SLC25A48: variants seen among roughly 807,000 people sequenced by gnomAD.
SLC25A48 encodes solute carrier family 25 member 48.
Under a neutral mutation model 32.2 loss-of-function variants are expected in SLC25A48, and 29 were observed. That is an observed-to-expected ratio of 0.90 (90% confidence interval 0.67 to 1.23). The LOEUF is 1.23. Among genes scored for constraint, SLC25A48 ranks in the 50% most tolerant of loss-of-function variants. The probability of loss-of-function intolerance (pLI) is 0.00; values close to 1 mark genes in which losing one functional copy is unlikely to be tolerated. For synonymous variants in SLC25A48, 164 were observed against 172.3 expected, an observed-to-expected ratio of 0.95 and a Z score of 0.38; for missense variants, 399 against 422.7, an observed-to-expected ratio of 0.94 and a Z score of 0.49.
intron 3 of SLC25A48, among the ~76,000 whole-genome samples, chr5:135,754,123 A>AGCACAGGGTGTAT (rs1272853559): frequency 6.6e-6 from 1 of 151,870 alleles, no homozygotes; most frequent in African/African-American, 2.4e-5. Context: ...TATGCAGGAC[A>AGCACAGGGTGTAT]GCACAGGGTG....
intron 3 of SLC25A48, among the ~76,000 whole-genome samples, chr5:135,803,414 T>G (rs1482590374): frequency 6.6e-6 from 1 of 151,790 alleles, no homozygotes; most frequent in Non-Finnish European, 1.5e-5. Context: ...TTACTCCTAA[T>G]ATCACTGTGG....
intron 3 of SLC25A48, among the ~76,000 whole-genome samples, chr5:135,760,825 C>T (rs1756044794): frequency 6.6e-6 from 1 of 152,194 alleles, no homozygotes; most frequent in Admixed American, 6.5e-5. Flanking sequence ...AATATGATCT[C>T]TACTTCCATG....
intron 1 of SLC25A48, among the ~76,000 whole-genome samples, chr5:135,602,614 CTTTT>C: frequency 7.2e-6 from 1 of 139,758 alleles, no homozygotes; most frequent in Admixed American, 7.2e-5. Context: ...TTTTTTCTTT[CTTTT>C]TTTTTTTTAT....
At position 135,880,014 on chromosome 5, in the gene SLC25A48, T is replaced by C. The variant is rs1762346430; in HGVS notation, c.860T>C (p.Met287Thr). ...GTGAACGCGGTGCGGGGCTTCCCCATGAGTGCGGCCATGTTCCTTGGGTAC... is the reference window on the plus strand; with the variant it reads ...GTGAACGCGGTGCGGGGCTTCCCCACGAGTGCGGCCATGTTCCTTGGGTAC... ...ITVNAVRGFP[M>T]SAAMFLGYEL... Residue 287 changes from methionine (M) to threonine (T), a missense_variant, in exon 7 of 8, where the codon ATG becomes ACG. Met to Thr is a moderately conservative substitution (Grantham distance 81). Transcript: ENST00000681962. 1 of 1,536,328 alleles carries C rather than the reference T, an allele frequency of 6.5e-7. No individual in the cohort carries two copies.
At chr5:135,724,411 C>T (rs566257870) in intron 3 of SLC25A48, among the ~76,000 whole-genome samples, 16 of 152,098 alleles carry the variant, frequency 1.1e-4, no homozygotes, top group Admixed American at 6.5e-4. Context: ...TGAGCCCCTG[C>T]GCCACCCAGC....
intron 3 of SLC25A48, among the ~76,000 whole-genome samples, chr5:135,765,218 T>A (rs1427676291): frequency 6.7e-6 from 1 of 149,528 alleles, no homozygotes; most frequent in East Asian, 2.0e-4. Flanking sequence ...ATATCCAGGG[T>A]GGGAGATGGT....
At position 135,791,444 on chromosome 5, in the gene SLC25A48, G is replaced by A. The variant is rs146870170; in HGVS notation, c.-520-21079G>A. On this transcript the variant is annotated intron_variant, in intron 3 of 10. Coordinates refer to the SLC25A48 transcript ENST00000646290. ...TTTGGGGGATGTTACTTTTGATTTC[G>A]CAGGGAGTGTACACCCTGTGATATT... 6.6e-3 allele frequency among the ~76,000 whole-genome samples: 1,006 copies of A among 151,332 alleles called. 4 individuals carry two copies. The highest frequency in any genetic ancestry group is 0.022 in the African/African-American group (888 of 41,270).
At chr5:135,749,098 G>C (rs1179086435) in intron 3 of SLC25A48, among the ~76,000 whole-genome samples, 1 of 152,024 alleles carries the variant, frequency 6.6e-6, no homozygotes, top group African/African-American at 2.4e-5. Context: ...GCTCCTCCTA[G>C]CTGTTTCCAG....
At chr5:135,861,472 T>C (rs1337755232) in intron 4 of SLC25A48, among the ~76,000 whole-genome samples, 2 of 152,168 alleles carry the variant, frequency 1.3e-5, no homozygotes, top group Non-Finnish European at 2.9e-5. Flanking sequence ...AGTTAACTCA[T>C]CTGCAAAGCA....
At chr5:135,810,088 G>T (rs576711210) in intron 3 of SLC25A48, among the ~76,000 whole-genome samples, 2 of 152,110 alleles carry the variant, frequency 1.3e-5, no homozygotes, top group African/African-American at 2.4e-5. Flanking sequence ...TCCTCGAGTC[G>T]CAGCCTCCCA....
intron 4 of SLC25A48, among the ~76,000 whole-genome samples, chr5:135,864,149 C>T (rs1761015275): frequency 6.6e-6 from 1 of 152,142 alleles, no homozygotes; most frequent in African/African-American, 2.4e-5. Context: ...GGGGTCTCAG[C>T]CACAAAGCCA....
chr5:135,800,196 C>A (rs979378764), intron 3 of SLC25A48, among the ~76,000 whole-genome samples: 6 of 151,682 alleles, frequency 4.0e-5, no homozygotes, highest in African/African-American at 1.5e-4. Flanking sequence ...AACTCTATTA[C>A]TATCAATATC....
At chr5:135,605,429 C>G (rs889529732) in intron 1 of SLC25A48, among the ~76,000 whole-genome samples, 4 of 152,174 alleles carry the variant, frequency 2.6e-5, no homozygotes, top group Non-Finnish European at 4.4e-5. Flanking sequence ...ACTGCCTTGT[C>G]CACAGTGAGG....
chr5:135,652,875 C>T (rs571226494), intron 3 of SLC25A48, among the ~76,000 whole-genome samples: 3 of 152,138 alleles, frequency 2.0e-5, no homozygotes, highest in Non-Finnish European at 4.4e-5. Flanking sequence ...AATGTGTCTT[C>T]AAAATTCATG....
intron 2 of SLC25A48, among the ~76,000 whole-genome samples, chr5:135,631,585 C>G (rs748245640): frequency 6.6e-6 from 1 of 152,208 alleles, no homozygotes; most frequent in Non-Finnish European, 1.5e-5. Context: ...GGTGACCCAA[C>G]AAATGGCTAA....
intron 3 of SLC25A48, among the ~76,000 whole-genome samples, chr5:135,702,011 C>T (rs1313917524): frequency 1.3e-5 from 2 of 152,194 alleles, no homozygotes; most frequent in Non-Finnish European, 2.9e-5. Context: ...AGGATGTTTA[C>T]ATATGGATGA....
chr5:135,830,254 G>A (rs1758168714), upstream of SLC25A48, among the ~76,000 whole-genome samples: 1 of 152,234 alleles, frequency 6.6e-6, no homozygotes, highest in Admixed American at 6.5e-5. Context: ...CCGCCCGAGA[G>A]CCTCAAGCGC....
At chr5:135,881,583 T>C (rs1297037633) in intron 7 of SLC25A48, among the ~76,000 whole-genome samples, 1 of 152,248 alleles carries the variant, frequency 6.6e-6, no homozygotes, top group Non-Finnish European at 1.5e-5. Context: ...ATTACTGCAT[T>C]TGGGTGGCAT....
chr5:135,650,843 T>C (rs1267361035), intron 3 of SLC25A48, among the ~76,000 whole-genome samples: 1 of 152,076 alleles, frequency 6.6e-6, no homozygotes, highest in Non-Finnish European at 1.5e-5. Flanking sequence ...ATTTTTTGCT[T>C]CCTGATTGCT....
Sources: gnomAD v4.1 joint callset for allele counts (sites outside exome capture counted in the v4.1 genomes callset) on GRCh38, gnomAD v4.1.1 for gene constraint, MANE v1.5 for transcripts, NCBI Gene and HGNC (gene_info 2026-07-23, HGNC 2026-07-21) for gene names.